RTCA: variants seen among roughly 807,000 people sequenced by gnomAD.
RTCA encodes the protein RNA terminal phosphate cyclase domain 1.
A neutral mutation model predicts 46.1 loss-of-function variants in RTCA; 37 were observed. That is an observed-to-expected ratio of 0.80 (90% confidence interval 0.62 to 1.06). The LOEUF is 1.06. RTCA is among the 50% of genes least tolerant of loss of function. The probability of loss-of-function intolerance (pLI) is 0.00; values close to 1 mark genes in which losing one functional copy is unlikely to be tolerated. For synonymous variants in RTCA, 164 were observed against 158.3 expected, an observed-to-expected ratio of 1.04 and a Z score of -0.27; for missense variants, 435 against 455.5, an observed-to-expected ratio of 0.95 and a Z score of 0.41.
chr1:100,285,034 T>A (rs1198335495), intron 8 of RTCA, among the ~76,000 whole-genome samples, 194 bp from the exon 9 acceptor site: 3 of 152,236 alleles, frequency 2.0e-5, no homozygotes, highest in African/African-American at 4.8e-5. Flanking sequence ...TTTAAAGGTA[T>A]AAGACTTGTG....
chr1:100,277,447 C>A, intron 8 of RTCA, 131 bp downstream of exon 8: 1 of 825,560 alleles, frequency 1.2e-6, no homozygotes, highest in South Asian at 2.1e-5. Context: ...CTTTTAGAGT[C>A]AATTACACTT....
intron 3 of RTCA, among the ~76,000 whole-genome samples, chr1:100,269,368 T>TA (rs1665956211): frequency 6.7e-6 from 1 of 150,218 alleles, no homozygotes; most frequent in African/African-American, 2.4e-5. Context: ...TCAGTCTTTT[T>TA]TTTTTTTTTT....
chr1:100,288,138 A>G (rs1449322791), intron 10 of RTCA, among the ~76,000 whole-genome samples: 1 of 152,120 alleles, frequency 6.6e-6, no homozygotes, highest in Non-Finnish European at 1.5e-5. Context: ...TCATCATGAA[A>G]CTAATGTAAT....
intron 8 of RTCA, 47 bp downstream of exon 8, chr1:100,277,363 T>G: frequency 6.7e-7 from 1 of 1,484,686 alleles, no homozygotes; most frequent in Non-Finnish European, 9.2e-7. Flanking sequence ...TACTGCAGAA[T>G]TCTTTAATCC....
intron 10 of RTCA, among the ~76,000 whole-genome samples, chr1:100,290,417 C>T (rs1286524404): frequency 6.6e-6 from 1 of 152,024 alleles, no homozygotes; most frequent in Non-Finnish European, 1.5e-5. Flanking sequence ...TGTTTTGATT[C>T]TAAATTTAGT....
rs763781348 is a variant in RTCA, at chr1:100,292,708, C to T, written c.*1204C>T. 2.0e-5 allele frequency: 3 copies of T among 152,152 alleles called. No individual in the cohort carries two copies. The highest frequency in any genetic ancestry group is 6.5e-5 in the Admixed American group (1 of 15,270). The allele number at this position is 152,152 out of a possible 1,614,324, so 9.4% of individuals were successfully genotyped here. On this transcript the variant is annotated 3_prime_UTR_variant, in exon 11 of 11. Transcript: ENST00000370128. The stretch of plus-strand genomic sequence containing the variant: ...CCCTAGTAGGTTTCGCAGATTCATC[C>T]CCAGATATGTTTTTGTTTGGCTTGT...
chr1:100,272,723 A>G (rs1666163076), intron 4 of RTCA, among the ~76,000 whole-genome samples: 1 of 152,196 alleles, frequency 6.6e-6, no homozygotes, highest in Non-Finnish European at 1.5e-5. Flanking sequence ...GATGTATAAT[A>G]AAAATTAATC....
intron 8 of RTCA, among the ~76,000 whole-genome samples, chr1:100,283,600 T>C (rs1666839030): frequency 6.6e-6 from 1 of 152,164 alleles, no homozygotes; most frequent in Admixed American, 6.6e-5. Flanking sequence ...TTATAAATAT[T>C]ATCTCTAATT....
In RTCA at chr1:100,270,660, C is replaced by T. The variant is rs1666036732; in HGVS notation, c.394C>T (p.Gln132Ter). The change falls in exon 4 of 11, where the codon CAG (glutamine) becomes TAG (stop). Residue 132 changes from glutamine to a stop codon, truncating the protein, a stop_gained. Coordinates refer to ENST00000370128, the MANE Select transcript of RTCA (RefSeq NM_003729.4). LOFTEE classifies it high-confidence loss of function. Reference sequence around the variant, plus strand: ...TGGAACTAATGCTGAAATGGCACCACAGATCGATTATACAGTGATGGTAAG... The same window carrying T: ...TGGAACTAATGCTGAAATGGCACCATAGATCGATTATACAGTGATGGTAAG... ...KGGTNAEMAP[Q>*]IDYTVMVFKP... The T allele has an allele frequency of 2.5e-6, 4 of 1,614,072 alleles. No homozygotes were observed. The highest frequency in any genetic ancestry group is 3.4e-6 in the Non-Finnish European group (4 of 1,179,974).
rs142978886 is a variant in RTCA, at chr1:100,291,444, C to T, written c.1041C>T (p.Ala347=). The T allele has an allele frequency of 2.0e-5, 32 of 1,612,064 alleles. No individual in the cohort carries two copies. The highest frequency in any genetic ancestry group is 1.8e-4 in the East Asian group (8 of 44,740). The change falls in exon 11 of 11, where the codon GCC becomes GCT. Residue 347 remains alanine (A), a synonymous_variant. Transcript: ENST00000370128. ...AGAAATCAGAAGATGAAGAAGACGC[C>T]GCTAAAGATACTTATATTATTGAAT... The part of the protein sequence containing the change: ...IVKKSEDEED[A]AKDTYIIECQ...
chr1:100,270,932 C>A (rs12733493), intron 4 of RTCA, among the ~76,000 whole-genome samples: 115,547 of 151,468 alleles, frequency 0.76, 46,210 homozygotes, highest in East Asian at 0.94. Flanking sequence ...TCCTGAGTAG[C>A]TGGGACTACA....
intron 4 of RTCA, among the ~76,000 whole-genome samples, chr1:100,271,304 CAAAA>C (rs1666078550): frequency 1.3e-5 from 2 of 151,690 alleles, no homozygotes; most frequent in South Asian, 4.2e-4. Context: ...AAATAAAAAA[CAAAA>C]AACACTACAC....
intron 4 of RTCA, among the ~76,000 whole-genome samples, chr1:100,271,140 A>T (rs1244950792): frequency 1.4e-5 from 2 of 145,850 alleles, no homozygotes; most frequent in African/African-American, 2.5e-5. Flanking sequence ...ATAGTGAATT[A>T]AAAAAAAAAA....
intron 2 of RTCA, 45 bp downstream of exon 2, chr1:100,266,669 C>G: frequency 7.2e-6 from 10 of 1,381,596 alleles, no homozygotes; most frequent in East Asian, 2.6e-5. Flanking sequence ...GCTGGGGGAT[C>G]GGGGGGTCGG....
intron 9 of RTCA, among the ~76,000 whole-genome samples, chr1:100,286,268 C>T (rs527709477): frequency 1.9e-4 from 29 of 151,894 alleles, no homozygotes; most frequent in East Asian, 9.7e-4. Context: ...CTGGCTAACA[C>T]GGTGAAACCC....
intron 10 of RTCA, among the ~76,000 whole-genome samples, chr1:100,288,824 T>C (rs1463517168): frequency 3.9e-5 from 6 of 152,062 alleles, no homozygotes; most frequent in African/African-American, 9.7e-5. Context: ...CTTTTTCTTT[T>C]CTTTTTTTTT....
intron 8 of RTCA, among the ~76,000 whole-genome samples, chr1:100,282,468 C>T (rs897628528): frequency 6.6e-6 from 1 of 152,182 alleles, no homozygotes; most frequent in Non-Finnish European, 1.5e-5. Context: ...TAATCTCTTA[C>T]TTTTCTGAAC....
chr1:100,289,163 C>G (rs539803497), intron 10 of RTCA, among the ~76,000 whole-genome samples: 4 of 151,748 alleles, frequency 2.6e-5, no homozygotes, highest in Admixed American at 1.3e-4. Context: ...GGGGCTTGCT[C>G]TGTTGCCCAG....
chr1:100,273,189 T>C (rs1317631854), intron 4 of RTCA, among the ~76,000 whole-genome samples: 2 of 152,222 alleles, frequency 1.3e-5, no homozygotes, highest in African/African-American at 4.8e-5. Flanking sequence ...TGCACAGCTC[T>C]GATTAAATAA....
Sources: gnomAD v4.1 joint callset for allele counts (sites outside exome capture counted in the v4.1 genomes callset) on GRCh38, gnomAD v4.1.1 for gene constraint, MANE v1.5 for transcripts, NCBI Gene and HGNC (gene_info 2026-07-23, HGNC 2026-07-21) for gene names.